MICU2: variants seen among roughly 807,000 people sequenced by gnomAD.
The protein encoded by MICU2 is calcium uptake protein 2, mitochondrial.
MICU2 carries 64 observed loss-of-function variants against 60.4 expected under a neutral mutation model. The observed-to-expected ratio is 1.06, with a 90% CI of 0.87 to 1.31. The LOEUF (loss-of-function observed/expected upper bound fraction) is 1.31, where lower values mean the gene tolerates loss of function less well. MICU2 is among the 50% of genes most tolerant of loss of function. The pLI is 0.00. For missense variants in MICU2, 569 were observed against 531.0 expected (o/e 1.07, Z -0.70); for synonymous variants, 201 against 175.0 (o/e 1.15, Z -1.17).
At chr13:21,556,177 G>A (rs545408492) in intron 2 of MICU2, among the ~76,000 whole-genome samples, 1 of 152,198 alleles carries the variant, frequency 6.6e-6, no homozygotes, top group South Asian at 2.1e-4. Flanking sequence ...CACCAAAACT[G>A]TTCTTATAAA....
intron 2 of MICU2, 58 bp from the exon 3 acceptor site, chr13:21,539,746 C>T (rs949636990): frequency 2.8e-6 from 4 of 1,449,522 alleles, no homozygotes; most frequent in Non-Finnish European, 2.9e-6. Context: ...ACTCAACTTG[C>T]ACTAAGAAAG....
At chr13:21,599,344 C>A (rs1264473441) in intron 1 of MICU2, among the ~76,000 whole-genome samples, 1 of 152,182 alleles carries the variant, frequency 6.6e-6, no homozygotes, top group Non-Finnish European at 1.5e-5. Flanking sequence ...TGAAGCTATC[C>A]TTTTATAGCA....
chr13:21,593,517 A>C (rs1888628664), intron 1 of MICU2, among the ~76,000 whole-genome samples: 1 of 150,706 alleles, frequency 6.6e-6, no homozygotes, highest in South Asian at 2.1e-4. Flanking sequence ...AAAAACACAA[A>C]AACTATTTCA....
intron 1 of MICU2, among the ~76,000 whole-genome samples, chr13:21,601,949 CA>C (rs538981922): frequency 4.0e-5 from 6 of 149,936 alleles, no homozygotes; most frequent in Non-Finnish European, 8.9e-5. Context: ...ACTAACAATA[CA>C]AAAAAAAATT....
At chr13:21,509,173 A>G (rs998976493) in intron 8 of MICU2, among the ~76,000 whole-genome samples, 5 of 152,196 alleles carry the variant, frequency 3.3e-5, no homozygotes, top group Admixed American at 3.3e-4. Context: ...AGGGAGGTGC[A>G]CTGTCTCACT....
intron 1 of MICU2, among the ~76,000 whole-genome samples, chr13:21,574,102 G>C (rs143893818): frequency 6.6e-6 from 1 of 152,338 alleles, no homozygotes; most frequent in East Asian, 1.9e-4. Context: ...AGGAAGAGAG[G>C]AAGGGTATGG....
rs1886707549 is a variant in MICU2, at chr13:21,521,173, T to C, written c.597+72A>G. ...ACAATGAATACAATTTTGATTTTAA[T>C]GGAAATGTAAAATTATCACACAAAC... On this transcript the variant is annotated intron_variant, in intron 6 of 11. Coordinates refer to ENST00000382374, the MANE Select transcript of MICU2 (RefSeq NM_152726.3). 4.2e-6 allele frequency: 5 copies of C among 1,188,282 alleles called. No individual in the cohort carries two copies. In the African/African-American group the frequency reaches 4.7e-5, roughly 11 times the overall value. 73.6% of individuals were successfully genotyped at this position (1,188,282 alleles called of 1,614,324 possible).
chr13:21,532,202 C>T (rs1887019243), intron 4 of MICU2, among the ~76,000 whole-genome samples: 2 of 152,326 alleles, frequency 1.3e-5, no homozygotes, highest in South Asian at 2.1e-4. Context: ...ACTAATTAAA[C>T]TGCAATAACT....
chr13:21,540,818 T>A (rs921643886), intron 2 of MICU2, among the ~76,000 whole-genome samples: 2 of 152,076 alleles, frequency 1.3e-5, no homozygotes, highest in Admixed American at 6.6e-5. Flanking sequence ...TAGATAAAAA[T>A]TACCATTTAT....
chr13:21,588,988 A>G (rs1287413050), intron 1 of MICU2, among the ~76,000 whole-genome samples: 1 of 152,220 alleles, frequency 6.6e-6, no homozygotes, highest in Non-Finnish European at 1.5e-5. Context: ...TAAAAATGCT[A>G]TTAAAGGAAA....
intron 4 of MICU2, among the ~76,000 whole-genome samples, chr13:21,525,209 T>G (rs1886819595): frequency 7.5e-6 from 1 of 132,874 alleles, no homozygotes. Flanking sequence ...TTTTTTTTTT[T>G]TGAGATGGAG....
At chr13:21,591,916 A>C (rs1257325011) in intron 1 of MICU2, among the ~76,000 whole-genome samples, 1 of 152,176 alleles carries the variant, frequency 6.6e-6, no homozygotes, top group African/African-American at 2.4e-5. Context: ...AGCTAGAAAA[A>C]TCTCAAATCA....
intron 9 of MICU2, among the ~76,000 whole-genome samples, chr13:21,502,496 GTGACAGGTACTTTAT>G (rs1886199384): frequency 6.6e-6 from 1 of 152,072 alleles, no homozygotes; most frequent in Non-Finnish European, 1.5e-5. Flanking sequence ...TATTAGCATT[GTGACAGGTACTTTAT>G]TGAATTCTTA....
chr13:21,521,796 G>A (rs1886722577), intron 5 of MICU2, among the ~76,000 whole-genome samples: 2 of 151,936 alleles, frequency 1.3e-5, no homozygotes, highest in African/African-American at 2.4e-5. Flanking sequence ...CTTTTCTTCC[G>A]AGACAGGGTC....
chr13:21,552,069 A>G (rs1290766851), intron 2 of MICU2, among the ~76,000 whole-genome samples: 2 of 151,886 alleles, frequency 1.3e-5, no homozygotes, highest in East Asian at 1.9e-4. Context: ...AAGTGTTCCT[A>G]TTTCTCCACA....
intron 1 of MICU2, among the ~76,000 whole-genome samples, chr13:21,580,031 C>G (rs1026182960): frequency 5.3e-5 from 8 of 152,184 alleles, no homozygotes; most frequent in African/African-American, 1.9e-4. Flanking sequence ...TCTCACTTTA[C>G]TACTTCAATT....
chr13:21,540,599 G>C (rs1258942426), intron 2 of MICU2, among the ~76,000 whole-genome samples: 1 of 152,112 alleles, frequency 6.6e-6, no homozygotes, highest in Non-Finnish European at 1.5e-5. Flanking sequence ...TTAGTAAACT[G>C]TCAGGATTTT....
intron 1 of MICU2, among the ~76,000 whole-genome samples, chr13:21,575,117 C>A (rs1566166188): frequency 6.6e-6 from 1 of 151,938 alleles, no homozygotes; most frequent in African/African-American, 2.4e-5. Context: ...GCTAGCATGG[C>A]TTTTTTTAGA....
At chr13:21,603,716 G>T (rs1420402599) in intron 1 of MICU2, 1 of 573,274 alleles carries the variant, frequency 1.7e-6, no homozygotes, top group Admixed American at 3.4e-5. Context: ...TCTCCCAAGG[G>T]AGGCAGAATC....
Sources: allele counts gnomAD v4.1 joint callset (sites outside exome capture counted in the v4.1 genomes callset), GRCh38; gene constraint gnomAD v4.1.1; transcripts MANE v1.5; gene names NCBI Gene and HGNC (gene_info 2026-07-23, HGNC 2026-07-21).